LRRC37B: variants seen among roughly 807,000 people sequenced by gnomAD.
LRRC37B encodes the protein leucine-rich repeat-containing protein 37B.
LRRC37B carries 28 observed loss-of-function variants against 98.3 expected under a neutral mutation model. That is an observed-to-expected ratio of 0.28 (90% CI 0.21 to 0.39). The LOEUF is 0.39. Ranked by LOEUF, LRRC37B falls within the 10% of genes least tolerant of loss-of-function variation. The pLI, the probability that LRRC37B is intolerant of heterozygous loss-of-function variation, is 1.00. For missense variants in LRRC37B, 938 were observed against 1,182.7 expected (o/e 0.79, Z 3.03); for synonymous variants, 364 against 442.7 (o/e 0.82, Z 2.23).
chr17:32,051,966 C>G (rs1259368257), intron 11 of LRRC37B: 1 of 151,238 alleles, frequency 6.6e-6, no homozygotes, highest in Non-Finnish European at 1.5e-5. Context: ...GATCTTTCTT[C>G]CATTTTCTAG....
intron 9 of LRRC37B, among the ~76,000 whole-genome samples, chr17:32,048,334 G>C (rs535506038): frequency 2.0e-5 from 3 of 149,010 alleles, no homozygotes; most frequent in East Asian, 3.9e-4. Context: ...AAGGAAAAAG[G>C]CTTGAGGGTC....
At chr17:32,008,436 G>T (rs1330681558) in intron 1 of LRRC37B, among the ~76,000 whole-genome samples, 2 of 150,072 alleles carry the variant, frequency 1.3e-5, no homozygotes, top group Non-Finnish European at 3.0e-5. Context: ...GGGCAGGATT[G>T]AAACTTTGGC....
intron 1 of LRRC37B, among the ~76,000 whole-genome samples, chr17:32,008,426 G>A (rs1196450780): frequency 1.3e-5 from 2 of 151,858 alleles, no homozygotes; most frequent in Admixed American, 6.6e-5. Context: ...TGTCTCCACC[G>A]GGCAGGATTG....
At chr17:32,025,063 G>A (rs577036601) in intron 2 of LRRC37B, among the ~76,000 whole-genome samples, 68 of 64,292 alleles carry the variant, frequency 1.1e-3, no homozygotes, top group African/African-American at 3.8e-3. Flanking sequence ...CAGAGACAAG[G>A]TCTTACTTTG....
At chr17:32,029,842 G>T (rs1911063944) in intron 3 of LRRC37B, among the ~76,000 whole-genome samples, 1 of 152,220 alleles carries the variant, frequency 6.6e-6, no homozygotes, top group Non-Finnish European at 1.5e-5. Context: ...TTAGAACTCA[G>T]TTCTGGACTC....
intron 7 of LRRC37B, among the ~76,000 whole-genome samples, chr17:32,037,860 T>C (rs1310491353): frequency 2.1e-4 from 32 of 151,786 alleles, no homozygotes; most frequent in Non-Finnish European, 3.4e-4. Context: ...GTAATCCCAG[T>C]ACTTTGGGAG....
At chr17:32,039,479 AATATAT>A (rs1185838390) in intron 7 of LRRC37B, among the ~76,000 whole-genome samples, 2 of 38,854 alleles carry the variant, frequency 5.1e-5, no homozygotes, top group African/African-American at 1.0e-4. Flanking sequence ...CCTGCCTAAA[AATATAT>A]ATATATATAT....
chr17:32,038,571 C>T (rs1334443560), intron 7 of LRRC37B, among the ~76,000 whole-genome samples: 1 of 152,140 alleles, frequency 6.6e-6, no homozygotes, highest in Non-Finnish European at 1.5e-5. Flanking sequence ...TAAAAGTGTT[C>T]TCTGGCTGGG....
chr17:32,033,247 G>A (rs1911157205), intron 5 of LRRC37B, among the ~76,000 whole-genome samples: 1 of 146,688 alleles, frequency 6.8e-6, no homozygotes, highest in South Asian at 2.3e-4. Context: ...CAAAGTGCTG[G>A]GATTATAGGC....
At position 32,046,383 on chromosome 17, in the gene LRRC37B, G is replaced by C. The variant is rs367328; in HGVS notation, c.2323+565G>C. On this transcript the variant is annotated intron_variant, in intron 8 of 11. Transcript: ENST00000327564. Reference sequence around the variant, plus strand: ...TCTTAGTCCATCCAACTCTGAACTTGCTCTGAATCTCAAACCTTTCTATTC... The same window carrying C: ...TCTTAGTCCATCCAACTCTGAACTTCCTCTGAATCTCAAACCTTTCTATTC... 6.6e-5 allele frequency among the ~76,000 whole-genome samples: 10 copies of C among 151,648 alleles called. No individual in the cohort carries two copies. In the South Asian group the frequency reaches 2.1e-3, roughly 32 times the overall value.
At chr17:32,031,318 G>A in intron 4 of LRRC37B, 60 bp from the exon 8 acceptor site, 1 of 1,577,454 alleles carries the variant, frequency 6.3e-7, no homozygotes, top group African/African-American at 1.4e-5. Flanking sequence ...TAGACTCACA[G>A]CAAATGATAA....
intron 2 of LRRC37B, among the ~76,000 whole-genome samples, chr17:32,027,186 G>T (rs1399147701): frequency 2.6e-5 from 4 of 152,164 alleles, no homozygotes; most frequent in Non-Finnish European, 5.9e-5. Context: ...AATAAGGTTT[G>T]GGAGAAGAGA....
upstream of LRRC37B, among the ~76,000 whole-genome samples, chr17:32,019,046 C>T (rs1744757946): frequency 6.6e-6 from 1 of 152,168 alleles, no homozygotes; most frequent in Non-Finnish European, 1.5e-5. Flanking sequence ...CCTACCTCAG[C>T]CTCCTGAGTA....
At position 32,031,280 on chromosome 17, in the gene LRRC37B, T is replaced by C. The variant is rs1598207461; in HGVS notation, c.1977-98T>C. 7 of 1,532,074 alleles carry C rather than the reference T, an allele frequency of 4.6e-6. No homozygotes were observed. In the East Asian group the frequency reaches 1.4e-4, roughly 31 times the overall value. 94.9% of individuals were successfully genotyped at this position (1,532,074 alleles called of 1,614,324 possible). A position where few individuals can be genotyped will look rare whatever the true frequency, so the allele number is the denominator to read the frequency against. On this transcript the variant is annotated intron_variant, in intron 4 of 11. Coordinates refer to ENST00000327564, the Ensembl canonical transcript of LRRC37B. ...ATTGCCTTAGTGCACAGAGAAAAGA[T>C]TGAGGTGATGTTCCATCCTATGTAA...
rs540455984 is a variant in LRRC37B, at chr17:32,031,682, C to G, written c.2057+224C>G. Among the ~76,000 whole-genome samples, 41 of 151,648 alleles carry G rather than the reference C, an allele frequency of 2.7e-4. No individual in the cohort carries two copies. In the South Asian group the frequency reaches 6.9e-3, roughly 26 times the overall value. ...TCCTAGTTCTGACCTATGGCATGGG[C>G]AAGAAAAGGCATCAAACAAGTGACC... On this transcript the variant is annotated intron_variant, in intron 5 of 11. Coordinates refer to ENST00000327564, the Ensembl canonical transcript of LRRC37B.
At chr17:32,022,660 C>G (rs764797755) in exon 1 of LRRC37B, 1 of 1,614,012 alleles carries the variant, frequency 6.2e-7, no homozygotes, top group Non-Finnish European at 8.5e-7. Context: ...TTGGTGCAGT[C>G]TGAAACTGCA....
chr17:32,010,915 A>C (rs1311744852), intron 1 of LRRC37B, among the ~76,000 whole-genome samples: 3 of 152,142 alleles, frequency 2.0e-5, no homozygotes, highest in African/African-American at 7.2e-5. Flanking sequence ...TATTTCACTT[A>C]ACATAATGTC....
exon 1 of LRRC37B, chr17:32,021,762 G>A (rs149975412): frequency 1.2e-6 from 2 of 1,614,106 alleles, no homozygotes; most frequent in African/African-American, 2.7e-5. Context: ...TCCTGAGATT[G>A]TTGGGATTCC....
exon 1 of LRRC37B, chr17:32,021,336 G>T (rs1166509139): frequency 1.2e-5 from 19 of 1,613,888 alleles, no homozygotes; most frequent in Non-Finnish European, 1.6e-5. Flanking sequence ...CCATGCACCT[G>T]CTCCCCCAGC....
Sources: allele counts gnomAD v4.1 joint callset (sites outside exome capture counted in the v4.1 genomes callset), GRCh38; gene constraint gnomAD v4.1.1; transcripts MANE v1.5; gene names NCBI Gene and HGNC (gene_info 2026-07-23, HGNC 2026-07-21).